The following CBLB variants were observed in gnomAD, a reference collection of about 807,000 sequenced individuals.
CBLB encodes the protein E3 ubiquitin-protein ligase CBL-B.
A neutral mutation model predicts 104.9 loss-of-function variants in CBLB; 31 were observed. The ratio of observed to expected loss-of-function variants is 0.30; its 90% CI spans 0.22 to 0.40. CBLB has a LOEUF of 0.40. Ranked by LOEUF, CBLB falls within the 10% of genes least tolerant of loss-of-function variation. The pLI, the probability that CBLB is intolerant of heterozygous loss-of-function variation, is 1.00. For synonymous variants in CBLB, 440 were observed against 422.6 expected (o/e 1.04, Z -0.51); for missense variants, 1,062 against 1,214.6 (o/e 0.87, Z 1.87).
At chr3:105,829,666 CAAAAAAAAAAAAAAAAAA>C (rs71627689) in intron 3 of CBLB, among the ~76,000 whole-genome samples, 1,188 of 47,148 alleles carry the variant, frequency 0.025, 39 homozygotes, top group South Asian at 0.067. Flanking sequence ...AAGACCGTCC[CAAAAAAAAAAAAAAAAAA>C]AAAAAAAAAA....
intron 3 of CBLB, among the ~76,000 whole-genome samples, chr3:105,827,456 A>T (rs1481667257): frequency 6.6e-6 from 1 of 151,758 alleles, no homozygotes; most frequent in East Asian, 1.9e-4. Context: ...AAACTCATAA[A>T]CTCCCCAAGC....
At chr3:105,806,130 A>C (rs1451297998) in intron 3 of CBLB, among the ~76,000 whole-genome samples, 1 of 152,134 alleles carries the variant, frequency 6.6e-6, no homozygotes, top group Non-Finnish European at 1.5e-5. Flanking sequence ...TGGGATTTTT[A>C]ATTCTCACTT....
rs1319716110 is a variant in CBLB at position 105,755,579 on chromosome 3, T to C, written c.567-3961A>G. On this transcript the variant is annotated intron_variant, in intron 4 of 18. Coordinates refer to ENST00000394030, the MANE Select transcript of CBLB (RefSeq NM_170662.5). ...GCTACAGGGTTTTAGTTTCAACTGA[T>C]AGGAAAAAATGAAAAACATTTCATA... Among the ~76,000 whole-genome samples the C allele has an allele frequency of 2.0e-5, 3 of 151,480 alleles. No homozygotes were observed. The East Asian group carries it at 5.8e-4, about 29-fold the overall frequency.
intron 8 of CBLB, among the ~76,000 whole-genome samples, chr3:105,734,698 A>T (rs1030538922): frequency 2.0e-5 from 3 of 152,226 alleles, no homozygotes; most frequent in African/African-American, 7.2e-5. Flanking sequence ...AAGAAGATAT[A>T]TTGAACTTAA....
At chr3:105,690,821 CAAA>C (rs1178398593) in intron 13 of CBLB, among the ~76,000 whole-genome samples, 8 of 65,742 alleles carry the variant, frequency 1.2e-4, no homozygotes, top group African/African-American at 2.1e-4. Context: ...GACTCCATCT[CAAA>C]AAAAAAAAAA....
chr3:105,696,483 T>C (rs2068404556), intron 12 of CBLB, among the ~76,000 whole-genome samples: 1 of 151,812 alleles, frequency 6.6e-6, no homozygotes, highest in Non-Finnish European at 1.5e-5. Context: ...TTTCCAGATA[T>C]CTGAAAAACC....
chr3:105,758,357 C>T (rs1188240814), intron 4 of CBLB, among the ~76,000 whole-genome samples: 1 of 152,202 alleles, frequency 6.6e-6, no homozygotes, highest in East Asian at 1.9e-4. Context: ...GATAAAGACA[C>T]AGATGCTGGG....
Position 105,853,421 on chromosome 3 carries a change from G to GTGAC in CBLB, c.408_411dup (p.Gln138ValfsTer34). ...CTGAAATATTCTTCTTACCTGTCCT[G>GTGAC]TGACTGTTCTTCATACATTCTCTCC... is the stretch of plus-strand genomic sequence containing the variant. On this transcript the variant is annotated frameshift_variant, in exon 3 of 19. Transcript: ENST00000394030. LOFTEE classifies it high-confidence loss of function. 1 of 1,613,660 alleles carries GTGAC rather than the reference G, an allele frequency of 6.2e-7. No individual in the cohort carries two copies. The highest frequency in any genetic ancestry group is 8.5e-7 in the Non-Finnish European group (1 of 1,179,758).
At chr3:105,825,788 T>A (rs1435528242) in intron 3 of CBLB, among the ~76,000 whole-genome samples, 2 of 152,182 alleles carry the variant, frequency 1.3e-5, no homozygotes, top group Non-Finnish European at 1.5e-5. Context: ...TGAAAACATA[T>A]AAAGGCTTGA....
At chr3:105,823,423 A>C (rs2086150958) in intron 3 of CBLB, among the ~76,000 whole-genome samples, 1 of 152,184 alleles carries the variant, frequency 6.6e-6, no homozygotes, top group East Asian at 1.9e-4. Flanking sequence ...TGTCTCCCTT[A>C]GTGGTCACAG....
rs766744144 is a variant in CBLB, at chr3:105,702,085, A to G, written c.1959+9T>C. On this transcript the variant is annotated intron_variant, in intron 12 of 18. Transcript: ENST00000394030. ...AGATTCTCTAGCTTCTGCTTTGCGT[A>G]TTTCTTACCTTAGCTCCTTCTAAAG... 6.2e-7 allele frequency: 1 copy of G among 1,613,790 alleles called. No individual in the cohort carries two copies. The highest frequency in any genetic ancestry group is 8.5e-7 in the Non-Finnish European group (1 of 1,179,994).
rs41302192 is a variant in CBLB, at chr3:105,702,188, C to T, written c.1865G>A (p.Ser622Asn). 1.2e-6 allele frequency: 2 copies of T among 1,614,018 alleles called. No individual in the cohort carries two copies. Among genetic ancestry groups the T allele is most frequent in the South Asian group, 1.1e-5 (1 of 91,080 alleles). ...EGSPKPGITA[S>N]SNVNGRHSRV... Reference sequence around the variant, plus strand: ...ACTGTGCCTTCCATTGACATTTGAACTCGCTGTGATTCCAGGTTTTGGAGA... The same window carrying T: ...ACTGTGCCTTCCATTGACATTTGAATTCGCTGTGATTCCAGGTTTTGGAGA... The change falls in exon 12 of 19, where the codon AGT becomes AAT. Residue 622 changes from serine to asparagine, a missense_variant. This residue lies in a region of CBLB where 605 missense variants were observed against 582.6 expected (regional missense o/e 1.04). Coordinates refer to ENST00000394030, the MANE Select transcript of CBLB (RefSeq NM_170662.5).
chr3:105,704,948 A>G (rs755960388), intron 10 of CBLB, among the ~76,000 whole-genome samples: 16 of 152,144 alleles, frequency 1.1e-4, no homozygotes, highest in Non-Finnish European at 1.9e-4. Flanking sequence ...GTTTTAATGC[A>G]GCATAACCTA....
intron 10 of CBLB, among the ~76,000 whole-genome samples, chr3:105,707,575 C>A (rs1430201936): frequency 6.6e-6 from 1 of 152,078 alleles, no homozygotes; most frequent in African/African-American, 2.4e-5. Context: ...TGAAGCTTTG[C>A]CTTAACTTTC....
intron 5 of CBLB, among the ~76,000 whole-genome samples, chr3:105,750,041 C>A (rs1033625454): frequency 2.0e-5 from 3 of 147,706 alleles, no homozygotes; most frequent in African/African-American, 5.0e-5. Context: ...TTTTTTGAGA[C>A]AGAGTCTTGC....
Position 105,657,229 on chromosome 3 carries a change from A to C in CBLB, c.*1741T>G. ...GTCTACGTGTCTTTTGTATAACATTAATTTCCACCAGATCTACTAGATGTT... is the reference window on the plus strand; with the variant it reads ...GTCTACGTGTCTTTTGTATAACATTCATTTCCACCAGATCTACTAGATGTT... On this transcript the variant is annotated 3_prime_UTR_variant, in exon 19 of 19. Transcript: ENST00000394030. 1 of 221,264 alleles carries C rather than the reference A, an allele frequency of 4.5e-6. No individual in the cohort carries two copies. The highest frequency in any genetic ancestry group is 9.1e-6 in the Non-Finnish European group (1 of 110,450). 13.7% of individuals were successfully genotyped at this position (221,264 alleles called of 1,614,324 possible).
intron 3 of CBLB, among the ~76,000 whole-genome samples, chr3:105,786,577 A>AT (rs2081055288): frequency 1.3e-5 from 2 of 152,148 alleles, no homozygotes; most frequent in Non-Finnish European, 1.5e-5. Flanking sequence ...GCACACCAGT[A>AT]TTTTTTCCAT....
chr3:105,861,802 G>A (rs2092119800), intron 2 of CBLB, among the ~76,000 whole-genome samples: 1 of 151,792 alleles, frequency 6.6e-6, no homozygotes, highest in Non-Finnish European at 1.5e-5. Context: ...TACAGTTCTA[G>A]AACAATTTTT....
At chr3:105,736,679 G>GA (rs2074987349) in intron 8 of CBLB, among the ~76,000 whole-genome samples, 1 of 152,064 alleles carries the variant, frequency 6.6e-6, no homozygotes, top group South Asian at 2.1e-4. Context: ...AATTTAAAGT[G>GA]AAAAGATATT....
Sources: allele counts gnomAD v4.1 joint callset (sites outside exome capture counted in the v4.1 genomes callset), GRCh38; gene constraint gnomAD v4.1.1; regional missense constraint gnomAD v4.1.1; transcripts MANE v1.5; gene names NCBI Gene and HGNC (gene_info 2026-07-23, HGNC 2026-07-21).